Variants in AKIRIN2 observed in about 807,000 individuals in gnomAD.
The protein encoded by AKIRIN2 is akirin-2.
AKIRIN2 carries 6 observed loss-of-function variants against 29.3 expected under a neutral mutation model. The observed-to-expected ratio is 0.20, with a 90% CI of 0.11 to 0.40. AKIRIN2 has a LOEUF of 0.40. Among genes scored for constraint, AKIRIN2 ranks in the 10% least tolerant of loss-of-function variants. The probability of loss-of-function intolerance (pLI) is 1.00; values close to 1 mark genes in which losing one functional copy is unlikely to be tolerated. For missense variants in AKIRIN2, 210 were observed against 276.1 expected (o/e 0.76, Z 1.70); for synonymous variants, 128 against 117.5 (o/e 1.09, Z -0.58).
In AKIRIN2 at chr6:87,693,210, C is replaced by G. The variant is rs182425405; in HGVS notation, c.235+8240G>C. On this transcript the variant is annotated intron_variant, in intron 1 of 4. Coordinates refer to ENST00000257787, the MANE Select transcript of AKIRIN2 (RefSeq NM_018064.4). ...CGCCACTGCACTCCAACCTGGGCGA[C>G]AGAGTGAGACTCCATCTCAAAAAAA... Among the ~76,000 whole-genome samples the G allele has an allele frequency of 5.9e-5, 9 of 152,048 alleles. No homozygotes were observed. The East Asian group carries it at 1.8e-3, about 30-fold the overall frequency.
chr6:87,680,748 T>C (rs1582117937), intron 2 of AKIRIN2, among the ~76,000 whole-genome samples: 2 of 147,218 alleles, frequency 1.4e-5, no homozygotes, highest in Admixed American at 6.9e-5. Context: ...TTGCTTCAAG[T>C]AGCCCTTATT....
At position 87,674,968 on chromosome 6, in the gene AKIRIN2, C is replaced by T. The variant is rs1440266792; in HGVS notation, c.*629G>A. On this transcript the variant is annotated 3_prime_UTR_variant, in exon 5 of 5. Transcript: ENST00000257787. ...TTCTTCCAACTAAATTCCAGTACTA[C>T]AAGGGCAGTAAAACAATGATACACT... is the stretch of plus-strand genomic sequence containing the variant. 4 of 139,888 alleles carry T rather than the reference C, an allele frequency of 2.9e-5. No homozygotes were observed. The highest frequency in any genetic ancestry group is 6.1e-5 in the Non-Finnish European group (4 of 65,932). The allele number at this position is 139,888 out of a possible 1,614,324, so 8.7% of individuals were successfully genotyped here.
chr6:87,678,065 A>C, intron 2 of AKIRIN2, 98 bp from the exon 3 acceptor site: 1 of 1,097,350 alleles, frequency 9.1e-7, no homozygotes, highest in Non-Finnish European at 1.2e-6. Context: ...TTCAATCTTG[A>C]TATAAAAGCA....
At chr6:87,697,825 C>T (rs1771396175) in intron 1 of AKIRIN2, among the ~76,000 whole-genome samples, 1 of 152,156 alleles carries the variant, frequency 6.6e-6, no homozygotes, top group African/African-American at 2.4e-5. Context: ...AATTCAATTC[C>T]TAAGGCAGAT....
intron 1 of AKIRIN2, among the ~76,000 whole-genome samples, chr6:87,692,830 A>C (rs776499419): frequency 1.3e-5 from 2 of 152,096 alleles, no homozygotes; most frequent in African/African-American, 2.4e-5. Flanking sequence ...TAAATATCAC[A>C]ACGAGGAAAG....
Position 87,701,688 on chromosome 6 carries a change from C to T in AKIRIN2, c.-4G>A, listed in dbSNP as rs767742628. ...TCAGAGTGGCTCCGCACGCCATGGC[C>T]GGGGGCAGCTGAGGCGCCGGGCTCG... On this transcript the variant is annotated 5_prime_UTR_variant, in exon 1 of 5. Coordinates refer to ENST00000257787, the MANE Select transcript of AKIRIN2 (RefSeq NM_018064.4). 4.8e-6 allele frequency: 7 copies of T among 1,443,718 alleles called. No homozygotes were observed. The African/African-American group carries it at 6.0e-5, about 12-fold the overall frequency. 89.4% of individuals were successfully genotyped at this position (1,443,718 alleles called of 1,614,324 possible).
rs1201852913 is a variant in AKIRIN2 at position 87,681,902 on chromosome 6, G to A, written c.236-139C>T. The stretch of plus-strand genomic sequence containing the variant: ...TATCCAGAAAACTGACATTTTGGTA[G>A]GAACTCATTTCAGCATAAATGGGGA... On this transcript the variant is annotated intron_variant, in intron 1 of 4. Coordinates refer to ENST00000257787, the MANE Select transcript of AKIRIN2 (RefSeq NM_018064.4). 1.2e-5 allele frequency: 9 copies of A among 738,540 alleles called. No homozygotes were observed. The African/African-American group carries it at 1.5e-4, about 12-fold the overall frequency. The allele number at this position is 738,540 out of a possible 1,614,324, so 45.7% of individuals were successfully genotyped here.
intron 1 of AKIRIN2, 136 bp downstream of exon 1, chr6:87,701,314 G>C: frequency 1.2e-6 from 1 of 809,842 alleles, no homozygotes; most frequent in Non-Finnish European, 1.8e-6. Context: ...AGTGAAAAAC[G>C]TGGCTGCCCT....
intron 1 of AKIRIN2, among the ~76,000 whole-genome samples, chr6:87,683,999 T>G (rs1163361965): frequency 6.6e-6 from 1 of 152,206 alleles, no homozygotes; most frequent in African/African-American, 2.4e-5. Flanking sequence ...TTCATCACTT[T>G]CTGTCCAAAG....
intron 3 of AKIRIN2, among the ~76,000 whole-genome samples, chr6:87,676,774 C>T (rs1256735666): frequency 2.1e-5 from 3 of 142,726 alleles, no homozygotes; most frequent in Non-Finnish European, 3.0e-5. Flanking sequence ...AGTGAGACTC[C>T]ATCTTAAAAA....
chr6:87,681,399 T>C (rs1014864336), intron 2 of AKIRIN2, among the ~76,000 whole-genome samples: 1 of 152,176 alleles, frequency 6.6e-6, no homozygotes, highest in African/African-American at 2.4e-5. Flanking sequence ...GATGTCCACT[T>C]TGGGGATATT....
chr6:87,680,906 T>A (rs1771110026), intron 2 of AKIRIN2, among the ~76,000 whole-genome samples: 1 of 151,912 alleles, frequency 6.6e-6, no homozygotes. Context: ...GACAAGTGTG[T>A]GAGGCAGGGT....
chr6:87,686,086 G>T (rs1204712671), intron 1 of AKIRIN2, among the ~76,000 whole-genome samples: 1 of 151,958 alleles, frequency 6.6e-6, no homozygotes, highest in South Asian at 2.1e-4. Flanking sequence ...GTGGTGGCGG[G>T]CCCCTGTAAT....
At chr6:87,686,098 C>A (rs559360623) in intron 1 of AKIRIN2, among the ~76,000 whole-genome samples, 1 of 152,074 alleles carries the variant, frequency 6.6e-6, no homozygotes, top group South Asian at 2.1e-4. Context: ...CCCTGTAATC[C>A]CAGCTACTTG....
rs1770949697 is a variant in AKIRIN2, at chr6:87,675,320, C to T, written c.*277G>A. 5 of 488,684 alleles carry T rather than the reference C, an allele frequency of 1.0e-5. No homozygotes were observed. In the South Asian group the frequency reaches 1.7e-4, roughly 17 times the overall value. 30.3% of individuals were successfully genotyped at this position (488,684 alleles called of 1,614,324 possible). A position where few individuals can be genotyped will look rare whatever the true frequency, so the allele number is the denominator to read the frequency against. ...ATGTTCTAGAATACCAGCTTTAATCCTTTTCAAACATTAATATAAGAAGCC... is the reference window on the plus strand; with the variant it reads ...ATGTTCTAGAATACCAGCTTTAATCTTTTTCAAACATTAATATAAGAAGCC... On this transcript the variant is annotated 3_prime_UTR_variant, in exon 5 of 5. Coordinates refer to ENST00000257787, the MANE Select transcript of AKIRIN2 (RefSeq NM_018064.4).
rs34407487 is a variant in AKIRIN2 at position 87,674,995 on chromosome 6, GA to G, written c.*601del. Reference sequence around the variant, plus strand: ...AGGGCAGTAAAACAATGATACACTGGAAAAAAAAAAATGCAGCAATAAACAT... The same window carrying G: ...AGGGCAGTAAAACAATGATACACTGGAAAAAAAAAATGCAGCAATAAACAT... On this transcript the variant is annotated 3_prime_UTR_variant, in exon 5 of 5. Coordinates refer to ENST00000257787, the MANE Select transcript of AKIRIN2 (RefSeq NM_018064.4). 122 of 131,254 alleles carry G rather than the reference GA, an allele frequency of 9.3e-4. No homozygotes were observed. Among genetic ancestry groups the G allele is most frequent in the African/African-American group, 2.1e-3 (71 of 34,580 alleles). 8.1% of individuals were successfully genotyped at this position (131,254 alleles called of 1,614,324 possible). A position where few individuals can be genotyped will look rare whatever the true frequency, so the allele number is the denominator to read the frequency against.
intron 1 of AKIRIN2, among the ~76,000 whole-genome samples, chr6:87,695,270 G>A (rs1481678869): frequency 6.6e-6 from 1 of 152,072 alleles, no homozygotes. Flanking sequence ...TAAACTAATT[G>A]CAGTATTTAT....
chr6:87,681,588 T>C, intron 2 of AKIRIN2, 32 bp downstream of exon 2: 2 of 1,586,980 alleles, frequency 1.3e-6, no homozygotes, highest in Non-Finnish European at 1.7e-6. Flanking sequence ...CTCTAAATAA[T>C]AAACTTTGTA....
chr6:87,679,904 T>C (rs1436547633), intron 2 of AKIRIN2, among the ~76,000 whole-genome samples: 7 of 152,252 alleles, frequency 4.6e-5, no homozygotes, highest in Non-Finnish European at 7.3e-5. Flanking sequence ...GAATTTGCCC[T>C]GGTACCACCA....
Sources: allele counts gnomAD v4.1 joint callset (sites outside exome capture counted in the v4.1 genomes callset), GRCh38; gene constraint gnomAD v4.1.1; transcripts MANE v1.5; gene names NCBI Gene and HGNC (gene_info 2026-07-23, HGNC 2026-07-21).